HSPG2: variants seen among roughly 807,000 people sequenced by gnomAD.
HSPG2 encodes basement membrane-specific heparan sulfate proteoglycan core protein.
A neutral mutation model predicts 526.6 loss-of-function variants in HSPG2; 278 were observed. The ratio of observed to expected loss-of-function variants is 0.53; its 90% CI spans 0.48 to 0.58. The LOEUF is 0.58. HSPG2 is among the 20% of genes least tolerant of loss of function. The pLI is 0.00. For synonymous variants in HSPG2, 2,465 were observed against 2,555.4 expected, an observed-to-expected ratio of 0.96 and a Z score of 1.07; for missense variants, 5,354 against 6,099.5, an observed-to-expected ratio of 0.88 and a Z score of 4.07.
chr1:21,843,497 C>T (rs2098058010), intron 65 of HSPG2, 59 bp from the exon 66 acceptor site: 2 of 1,554,288 alleles, frequency 1.3e-6, no homozygotes, highest in Non-Finnish European at 1.8e-6. Context: ...ATGCCCAGGC[C>T]TCTGGTACCC....
intron 1 of HSPG2, among the ~76,000 whole-genome samples, chr1:21,934,616 GAC>G (rs1644434970): frequency 6.7e-6 from 1 of 149,082 alleles, no homozygotes; most frequent in Non-Finnish European, 1.5e-5. Flanking sequence ...TTTTTTTTGA[GAC>G]AGAGTCTTGC....
At position 21,846,344 on chromosome 1, in the gene HSPG2, G is replaced by C. The variant is rs930980954; in HGVS notation, c.8317-89C>G. ...GGCCAGGGTCTAACCTCTGACACAG[G>C]GGGGTACTGCACCCCACGGGGGCTC... On this transcript the variant is annotated intron_variant, in intron 63 of 96. Coordinates refer to ENST00000374695, the MANE Select transcript of HSPG2 (RefSeq NM_005529.7). 62 of 1,605,620 alleles carry C rather than the reference G, an allele frequency of 3.9e-5. No individual in the cohort carries two copies. In the African/African-American group the frequency reaches 6.3e-4, roughly 16 times the overall value.
At chr1:21,916,366 G>C (rs1187525576) in intron 1 of HSPG2, among the ~76,000 whole-genome samples, 1 of 152,100 alleles carries the variant, frequency 6.6e-6, no homozygotes, top group Non-Finnish European at 1.5e-5. Context: ...TTAGTCAGGC[G>C]TGGTGGCGTG....
intron 1 of HSPG2, among the ~76,000 whole-genome samples, chr1:21,901,997 G>C (rs1643125195): frequency 6.6e-6 from 1 of 152,070 alleles, no homozygotes; most frequent in Admixed American, 6.5e-5. Flanking sequence ...CCCAAAACAA[G>C]TGCTTCCCCT....
chr1:21,829,703 C>G, intron 86 of HSPG2, 99 bp from the exon 87 acceptor site: 1 of 1,076,248 alleles, frequency 9.3e-7, no homozygotes, highest in Admixed American at 2.4e-5. Flanking sequence ...CTGCCTCACT[C>G]TCCAGGCCCA....
Position 21,897,254 on chromosome 1 carries a change from C to T in HSPG2, c.64-944G>A, listed in dbSNP as rs149276076. 3.0e-3 allele frequency among the ~76,000 whole-genome samples: 451 copies of T among 152,310 alleles called. 3 individuals are homozygous for T. Among genetic ancestry groups the T allele is most frequent in the Admixed American group, 3.0e-3 (46 of 15,300 alleles). On this transcript the variant is annotated intron_variant, in intron 1 of 96. Transcript: ENST00000374695. The stretch of plus-strand genomic sequence containing the variant: ...GTGCAGATTCACGATGGCTGGACCC[C>T]AGATTCCACAAGCACAAGTATGCAC...
At position 21,829,474 on chromosome 1, in the gene HSPG2, C is replaced by T. The variant is rs188463402; in HGVS notation, c.11901G>A (p.Leu3967=). 8.7e-6 allele frequency: 14 copies of T among 1,613,438 alleles called. No homozygotes were observed. The East Asian group carries it at 1.1e-4, about 13-fold the overall frequency. Residue 3967 remains leucine (L), a synonymous_variant, in exon 87 of 97, where the codon CTG becomes CTA. Transcript: ENST00000374695. The part of the protein sequence containing the change: ...FKPLAPDGVL[L]FSGGKSGPVE... ...CAGGCCCGCTCTTCCCCCCGCTGAA[C>T]AGCAGGACCCCGTCAGGGGCGAGTG... is the stretch of plus-strand genomic sequence containing the variant.
chr1:21,853,219 C>T, intron 50 of HSPG2, 149 bp from the exon 51 acceptor site: 1 of 1,074,552 alleles, frequency 9.3e-7, no homozygotes, highest in Non-Finnish European at 1.3e-6. Flanking sequence ...TCTGCCTCCA[C>T]ATGGCCAGCC....
intron 29 of HSPG2, 43 bp downstream of exon 29, chr1:21,873,882 C>A: frequency 1.3e-6 from 2 of 1,505,018 alleles, no homozygotes; most frequent in Non-Finnish European, 9.0e-7. Context: ...TCCAGGGACA[C>A]CCCCTGTGCG....
In HSPG2 at chr1:21,822,281, CAA is replaced by C; in HGVS notation, c.*1033_*1034del. Reference sequence around the variant, plus strand: ...CACCGTTTATTAAGAAAAATCAAGACAAAGACCACAGGAGGGTCCCTTCTAGG... The same window carrying C: ...CACCGTTTATTAAGAAAAATCAAGACAGACCACAGGAGGGTCCCTTCTAGG... On this transcript the variant is annotated 3_prime_UTR_variant, in exon 97 of 97. Coordinates refer to ENST00000374695, the MANE Select transcript of HSPG2 (RefSeq NM_005529.7). 2 of 1,533,136 alleles carry C rather than the reference CAA, an allele frequency of 1.3e-6. No individual in the cohort carries two copies. Among genetic ancestry groups the C allele is most frequent in the Non-Finnish European group, 1.8e-6 (2 of 1,107,176 alleles). 95.0% of individuals were successfully genotyped at this position (1,533,136 alleles called of 1,614,324 possible). A position where few individuals can be genotyped will look rare whatever the true frequency, so the allele number is the denominator to read the frequency against.
intron 29 of HSPG2, 107 bp from the exon 30 acceptor site, chr1:21,873,531 AAAG>A: frequency 1.8e-6 from 2 of 1,112,820 alleles, no homozygotes; most frequent in South Asian, 1.3e-5. Context: ...CACTGGAAGA[AAAG>A]AAGAGCCTGA....
chr1:21,824,736 G>A lies in HSPG2; in HGVS notation c.12633C>T (p.Phe4211=). The A allele has an allele frequency of 6.2e-7, 1 of 1,613,702 alleles. No individual in the cohort carries two copies. The highest frequency in any genetic ancestry group is 8.5e-7 in the Non-Finnish European group (1 of 1,179,884). The change falls in exon 92 of 97, where the codon TTC becomes TTT. Residue 4211 remains phenylalanine (F), a synonymous_variant. Coordinates refer to ENST00000374695, the MANE Select transcript of HSPG2 (RefSeq NM_005529.7). This position sits in a 1 kb window ranked among gnomAD's most constrained non-coding sequence, Gnocchi z 5.9. The stretch of plus-strand genomic sequence containing the variant: ...AGAAGACATGGCCAGGGAAGGCGAG[G>A]AAGCCATCATCGTGGAAATAGGCTC... ...QYGAYFHDDG[F]LAFPGHVFSR...
intron 85 of HSPG2, 103 bp downstream of exon 85, chr1:21,830,879 G>T: frequency 1.4e-6 from 1 of 737,762 alleles, no homozygotes; most frequent in Non-Finnish European, 2.4e-6. Context: ...AGAGTGGGGG[G>T]TGTGGAAGTG....
Position 21,857,098 on chromosome 1 carries a change from T to C in HSPG2, c.5492A>G (p.Gln1831Arg), listed in dbSNP as rs752615103. 18 of 1,614,064 alleles carry C rather than the reference T, an allele frequency of 1.1e-5. No individual in the cohort carries two copies. The highest frequency in any genetic ancestry group is 1.7e-5 in the Admixed American group (1 of 60,000). Residue 1831 changes from glutamine (Q) to arginine (R), a missense_variant, in exon 44 of 97, where the codon CAG (glutamine) becomes CGG (arginine). Transcript: ENST00000374695. ...CACGTAGGTGCCTGCATCACTCAGC[T>C]GGACGTTGCGAATGGTCAGGATGCC... The part of the protein sequence containing the change: ...FNGILTIRNV[Q>R]LSDAGTYVCT...
Position 21,881,445 on chromosome 1 carries a change from A to C in HSPG2, c.1712T>G (p.Leu571Arg), listed in dbSNP as rs1367776431. 1 of 1,613,648 alleles carries C rather than the reference A, an allele frequency of 6.2e-7. No homozygotes were observed. Among genetic ancestry groups the C allele is most frequent in the East Asian group, 2.2e-5 (1 of 44,882 alleles). ...PGTPPLSSTQ[L>R]QIDPSLHEFQ... ...CTCGTGCAGGGATGGGTCGATCTGCAGCTGCGTGGAGGAGAGGGGTGGCGT... is the reference window on the plus strand; with the variant it reads ...CTCGTGCAGGGATGGGTCGATCTGCCGCTGCGTGGAGGAGAGGGGTGGCGT... The change falls in exon 14 of 97, where the codon CTG becomes CGG. Residue 571 changes from leucine to arginine, a missense_variant. By Grantham distance (102) the Leu-to-Arg change is moderately radical. Coordinates refer to ENST00000374695, the MANE Select transcript of HSPG2 (RefSeq NM_005529.7).
chr1:21,915,714 G>A (rs1298699715), intron 1 of HSPG2, among the ~76,000 whole-genome samples: 1 of 152,156 alleles, frequency 6.6e-6, no homozygotes, highest in Non-Finnish European at 1.5e-5. Context: ...CATCCAATAA[G>A]ATAGCTACTA....
intron 30 of HSPG2, 127 bp downstream of exon 30, chr1:21,873,248 C>T: frequency 1.6e-6 from 2 of 1,232,120 alleles, no homozygotes; most frequent in South Asian, 1.2e-5. Flanking sequence ...CTTCTCCTAT[C>T]CCCATTTTAC....
rs11587853 is a variant in HSPG2 at position 21,873,587 on chromosome 1, C to T, written c.3744-163G>A. 0.04 allele frequency among the ~76,000 whole-genome samples: 6,115 copies of T among 152,264 alleles called. 151 individuals carry two copies. Among genetic ancestry groups the T allele is most frequent in the African/African-American group, 0.069 (2,873 of 41,538 alleles). ...GAAACTGGGCAGAGAAGAGCAGGGACGTGCCCTGGACCGCACAGCCAGTGA... is the reference window on the plus strand; with the variant it reads ...GAAACTGGGCAGAGAAGAGCAGGGATGTGCCCTGGACCGCACAGCCAGTGA... On this transcript the variant is annotated intron_variant, in intron 29 of 96. Coordinates refer to ENST00000374695, the MANE Select transcript of HSPG2 (RefSeq NM_005529.7).
At chr1:21,844,384 G>C in intron 64 of HSPG2, 85 bp from the exon 65 acceptor site, 3 of 1,437,860 alleles carry the variant, frequency 2.1e-6, no homozygotes, top group Non-Finnish European at 2.8e-6. Context: ...ACTAGGACCA[G>C]AGGCCATTTG....
Sources: gnomAD v4.1 joint callset for allele counts (sites outside exome capture counted in the v4.1 genomes callset) on GRCh38, gnomAD v4.1.1 for gene constraint, Gnocchi (gnomAD v3.1) non-coding constraint, MANE v1.5 for transcripts, NCBI Gene and HGNC (gene_info 2026-07-23, HGNC 2026-07-21) for gene names.